EPHA6: variants seen among roughly 807,000 people sequenced by gnomAD.
The protein encoded by EPHA6 is EPH receptor A6.
EPHA6 carries 50 observed loss-of-function variants against 112.0 expected under a neutral mutation model. That is an observed-to-expected ratio of 0.45 (90% CI 0.36 to 0.56). The LOEUF is 0.56. Ranked by LOEUF, EPHA6 falls within the 20% of genes least tolerant of loss-of-function variation. The probability of loss-of-function intolerance (pLI) is 0.00; values close to 1 mark genes in which losing one functional copy is unlikely to be tolerated. For missense variants in EPHA6, 1,280 were observed against 1,417.4 expected (o/e 0.90, Z 1.56); for synonymous variants, 529 against 490.7 (o/e 1.08, Z -1.03).
intron 3 of EPHA6, among the ~76,000 whole-genome samples, chr3:97,150,559 T>C (rs1235826525): frequency 6.6e-6 from 1 of 152,098 alleles, no homozygotes; most frequent in Non-Finnish European, 1.5e-5. Flanking sequence ...CACCTGTCTC[T>C]GTGGTAATTG....
chr3:96,939,623 A>G (rs1190198850), intron 2 of EPHA6, among the ~76,000 whole-genome samples: 1 of 151,986 alleles, frequency 6.6e-6, no homozygotes, highest in African/African-American at 2.4e-5. Context: ...CTCTGATGTT[A>G]GTTATTTCTT....
chr3:97,676,985 A>G (rs2031447288), intron 14 of EPHA6, among the ~76,000 whole-genome samples: 2 of 152,212 alleles, frequency 1.3e-5, no homozygotes, highest in Non-Finnish European at 2.9e-5. Context: ...TGAGCCACAT[A>G]TATCTATTGA....
intron 5 of EPHA6, among the ~76,000 whole-genome samples, chr3:97,276,942 G>T (rs899801694): frequency 2.0e-5 from 3 of 152,184 alleles, no homozygotes; most frequent in African/African-American, 7.2e-5. Context: ...CTGTAAGCCG[G>T]ACCAGGTGTG....
chr3:97,680,139 C>G (rs2031741475), intron 14 of EPHA6, among the ~76,000 whole-genome samples: 1 of 152,112 alleles, frequency 6.6e-6, no homozygotes, highest in Non-Finnish European at 1.5e-5. Context: ...TCCTTCTATC[C>G]TGCTCAGATC....
Position 96,946,429 on chromosome 3 carries a change from G to A in EPHA6, c.451-40901G>A, listed in dbSNP as rs1253744140. ...TATGAGTGAGAACATGCGGTGTTTC[G>A]TTTTTTGTTCTTGTGATAGTTTGCT... On this transcript the variant is annotated intron_variant, in intron 2 of 17. Coordinates refer to ENST00000389672, the MANE Select transcript of EPHA6 (RefSeq NM_001080448.3). Among the ~76,000 whole-genome samples, 7 of 151,600 alleles carry A rather than the reference G, an allele frequency of 4.6e-5. No homozygotes were observed. In the East Asian group the frequency reaches 7.8e-4, roughly 17 times the overall value.
In EPHA6 at chr3:97,755,139, A is replaced by G. The variant is rs1012825208; in HGVS notation, c.*6438A>G. 2.6e-5 allele frequency among the ~76,000 whole-genome samples: 4 copies of G among 152,232 alleles called. No individual in the cohort carries two copies. The highest frequency in any genetic ancestry group is 5.9e-5 in the Non-Finnish European group (4 of 68,030). On this transcript the variant is annotated 3_prime_UTR_variant, in exon 18 of 18. Transcript: ENST00000389672. ...TATAGAGAAAGTCTCAAAGAATTCC[A>G]TTACCCTTAGACACAACTAATTCAT...
chr3:96,851,697 A>C (rs762413412), intron 1 of EPHA6, among the ~76,000 whole-genome samples: 57 of 152,292 alleles, frequency 3.7e-4, no homozygotes, highest in African/African-American at 9.9e-4. Flanking sequence ...ATTTAAGCTG[A>C]GCCCAAGGGT....
chr3:97,714,240 G>A (rs750933051), intron 14 of EPHA6, among the ~76,000 whole-genome samples: 17 of 152,342 alleles, frequency 1.1e-4, no homozygotes, highest in Admixed American at 5.9e-4. Context: ...CATTTACTGA[G>A]TGTACACTGG....
intron 9 of EPHA6, among the ~76,000 whole-genome samples, chr3:97,483,230 A>G (rs1312854739): frequency 1.3e-5 from 2 of 152,190 alleles, no homozygotes; most frequent in East Asian, 1.9e-4. Flanking sequence ...TCATCATCCT[A>G]ACTGCCTGTA....
intron 5 of EPHA6, among the ~76,000 whole-genome samples, chr3:97,315,427 C>T (rs752227317): frequency 1.3e-5 from 2 of 151,692 alleles, no homozygotes; most frequent in Non-Finnish European, 1.5e-5. Context: ...AATAAGATGA[C>T]TTTTAAATAT....
At position 97,754,903 on chromosome 3, in the gene EPHA6, C is replaced by A. The variant is rs1200351033; in HGVS notation, c.*6202C>A. Among the ~76,000 whole-genome samples, 1 of 152,070 alleles carries A rather than the reference C, an allele frequency of 6.6e-6. No individual in the cohort carries two copies. Among genetic ancestry groups the A allele is most frequent in the Non-Finnish European group, 1.5e-5 (1 of 68,022 alleles). ...TATTTTTAGTAGAGACGGAGTTTCA[C>A]CGTGTTAGCCAGGATGGTCTCGATC... On this transcript the variant is annotated 3_prime_UTR_variant, in exon 18 of 18. Coordinates refer to ENST00000389672, the MANE Select transcript of EPHA6 (RefSeq NM_001080448.3).
At chr3:97,639,536 A>G (rs1308056440) in intron 14 of EPHA6, among the ~76,000 whole-genome samples, 1 of 152,156 alleles carries the variant, frequency 6.6e-6, no homozygotes, top group Non-Finnish European at 1.5e-5. Flanking sequence ...CTACTAAAAA[A>G]TAAAATATGA....
At chr3:96,844,636 A>T (rs774057359) in intron 1 of EPHA6, among the ~76,000 whole-genome samples, 1 of 152,020 alleles carries the variant, frequency 6.6e-6, no homozygotes, top group Non-Finnish European at 1.5e-5. Flanking sequence ...AATTATGATG[A>T]AATATAATCG....
intron 2 of EPHA6, among the ~76,000 whole-genome samples, chr3:96,882,768 G>GTGTGTGTGTATA (rs774521290): frequency 0.014 from 2,116 of 148,864 alleles, 137 homozygotes; most frequent in Admixed American, 0.1. Context: ...GTGTGTGTGT[G>GTGTGTGTGTATA]TATAGTCAAT....
intron 16 of EPHA6, among the ~76,000 whole-genome samples, chr3:97,737,616 T>C (rs968728800): frequency 6.6e-6 from 1 of 151,920 alleles, no homozygotes; most frequent in Non-Finnish European, 1.5e-5. Context: ...AGGGACAAGT[T>C]TTTGGAATAG....
chr3:96,906,431 A>G (rs931366751), intron 2 of EPHA6, among the ~76,000 whole-genome samples: 2 of 151,946 alleles, frequency 1.3e-5, no homozygotes, highest in Non-Finnish European at 2.9e-5. Context: ...ATGCTCTAAC[A>G]CCTACTCCGC....
chr3:97,533,338 T>G (rs1445543775), intron 11 of EPHA6, among the ~76,000 whole-genome samples: 5 of 152,106 alleles, frequency 3.3e-5, no homozygotes, highest in African/African-American at 9.7e-5. Flanking sequence ...TTAAATAAAA[T>G]TGTAACTTTA....
intron 11 of EPHA6, among the ~76,000 whole-genome samples, chr3:97,557,016 C>T (rs1449481583): frequency 6.6e-6 from 1 of 151,894 alleles, no homozygotes; most frequent in African/African-American, 2.4e-5. Context: ...AGTGTATTCT[C>T]TTTTACTTAA....
rs935140621 is a variant in EPHA6, at chr3:97,751,768, A to G, written c.*3067A>G. 4.6e-5 allele frequency among the ~76,000 whole-genome samples: 7 copies of G among 152,166 alleles called. No homozygotes were observed. The East Asian group carries it at 1.3e-3, about 29-fold the overall frequency. ...CACAAGTCTTCAGGAATAATCTTTG[A>G]TACCTAAAATATGCATATAGACTCA... On this transcript the variant is annotated 3_prime_UTR_variant, in exon 18 of 18. Transcript: ENST00000389672.
Sources: gnomAD v4.1 joint callset for allele counts (sites outside exome capture counted in the v4.1 genomes callset) on GRCh38, gnomAD v4.1.1 for gene constraint, MANE v1.5 for transcripts, NCBI Gene and HGNC (gene_info 2026-07-23, HGNC 2026-07-21) for gene names.